Variants in DNAH5 observed in about 807,000 individuals in gnomAD.
DNAH5 encodes axonemal beta dynein heavy chain 5.
In DNAH5, 372 loss-of-function variants were observed where a neutral mutation model predicts 518.2. The ratio of observed to expected loss-of-function variants is 0.72; its 90% confidence interval spans 0.66 to 0.78. The LOEUF is 0.78. Among genes scored for constraint, DNAH5 ranks in the 30% least tolerant of loss-of-function variants. The pLI is 0.00. For synonymous variants in DNAH5, 2,039 were observed against 2,025.9 expected (o/e 1.01, Z -0.17); for missense variants, 5,523 against 5,687.0 (o/e 0.97, Z 0.93).
Position 13,855,499 on chromosome 5 carries a change from C to T in DNAH5, c.4950+3953G>A, listed in dbSNP as rs552907934. On this transcript the variant is annotated intron_variant, in intron 30 of 78. Transcript: ENST00000265104. The stretch of plus-strand genomic sequence containing the variant: ...CTGGGATTACAGGCGTGAGCCACCG[C>T]GCCCGGCCATAAATCTTACATTTTA... Among the ~76,000 whole-genome samples the T allele has an allele frequency of 4.1e-4, 20 of 48,280 alleles. 4 individuals are homozygous for T. Among genetic ancestry groups the T allele is most frequent in the Admixed American group, 1.2e-3 (7 of 5,854 alleles). The allele number at this position is 48,280 out of a possible 152,430, so 31.7% of individuals were successfully genotyped here.
At position 13,839,378 on chromosome 5, in the gene DNAH5, C is replaced by A; in HGVS notation, c.5860G>T (p.Val1954Leu). The A allele has an allele frequency of 6.2e-7, 1 of 1,614,066 alleles. No individual in the cohort carries two copies. The highest frequency in any genetic ancestry group is 8.5e-7 in the Non-Finnish European group (1 of 1,179,952). ...NEFLGCTDRL[V>L]ITPLTDRCYI... ...CACCTGTCTGTAAGTGGAGTTATTACAAGCCTGTCAGTGCAGCCTAAAAAT... is the reference window on the plus strand; with the variant it reads ...CACCTGTCTGTAAGTGGAGTTATTAAAAGCCTGTCAGTGCAGCCTAAAAAT... The change falls in exon 35 of 79, where the codon GTA becomes TTA. Residue 1954 changes from valine (V) to leucine (L), a missense_variant. Physicochemically the swap from Val to Leu is conservative, Grantham distance 32 (BLOSUM62 1). This residue lies in a region of DNAH5 where 5,121 missense variants were observed against 5,223.3 expected (regional missense o/e 0.98). Coordinates refer to ENST00000265104, the MANE Select transcript of DNAH5 (RefSeq NM_001369.3).
chr5:13,701,549 G>GA, intron 76 of DNAH5, 113 bp from the exon 77 acceptor site: 1 of 1,055,090 alleles, frequency 9.5e-7, no homozygotes, highest in Non-Finnish European at 1.4e-6. Flanking sequence ...CTTTTATAAT[G>GA]AAAAAAGTCC....
At chr5:13,767,269 C>G (rs1463589710) in intron 58 of DNAH5, among the ~76,000 whole-genome samples, 1 of 152,160 alleles carries the variant, frequency 6.6e-6, no homozygotes, top group Admixed American at 6.5e-5. Context: ...GGACTACAGG[C>G]ACACACCACC....
intron 72 of DNAH5, 119 bp from the exon 73 acceptor site, chr5:13,717,639 T>A (rs1022306164): frequency 3.4e-6 from 3 of 878,752 alleles, no homozygotes; most frequent in Non-Finnish European, 5.5e-6. Context: ...CTTTGGATTG[T>A]TTTTATGACA....
chr5:13,962,446 G>A (rs1781248090), intron 1 of DNAH5, among the ~76,000 whole-genome samples: 1 of 152,002 alleles, frequency 6.6e-6, no homozygotes, highest in African/African-American at 2.4e-5. Flanking sequence ...AGGTTCTTTT[G>A]GATTGCCAGG....
intron 7 of DNAH5, 131 bp from the exon 8 acceptor site, chr5:13,917,387 G>A: frequency 1.4e-6 from 1 of 718,174 alleles, no homozygotes; most frequent in Admixed American, 2.1e-5. Context: ...ACTGAATCCA[G>A]AGGGGCGAGA....
At chr5:13,940,422 T>TAA (rs1580986370) in intron 1 of DNAH5, among the ~76,000 whole-genome samples, 1 of 152,144 alleles carries the variant, frequency 6.6e-6, no homozygotes, top group Admixed American at 6.5e-5. Context: ...TATATATATA[T>TAA]AATATGTCAC....
chr5:13,845,832 CTTTTT>C (rs557275110), intron 31 of DNAH5, among the ~76,000 whole-genome samples: 1 of 110,666 alleles, frequency 9.0e-6, no homozygotes, highest in Admixed American at 1.0e-4. Context: ...CTTTTTTGAC[CTTTTT>C]TTTTTTTTTT....
At chr5:13,998,175 C>T (rs1330051083) in intron 1 of DNAH5, among the ~76,000 whole-genome samples, 1 of 152,136 alleles carries the variant, frequency 6.6e-6, no homozygotes, top group African/African-American at 2.4e-5. Context: ...CTGTAAAGTC[C>T]AAGATCAAGA....
At position 13,716,532 on chromosome 5, in the gene DNAH5, A is replaced by G; in HGVS notation, c.12864T>C (p.Asn4288=). The change falls in exon 74 of 79, where the codon AAT becomes AAC. Residue 4288 remains asparagine (N), a synonymous_variant. Coordinates refer to ENST00000265104, the MANE Select transcript of DNAH5 (RefSeq NM_001369.3). ...GPDFSFYQGY[N]IPKCSTVDNY... is the part of the protein sequence containing the mutation. ...TATCCACTGTGCTGCATTTTGGAAT[A>G]TTGTATCCTTGGTAAAAACTGAAAT... 2 of 1,613,988 alleles carry G rather than the reference A, an allele frequency of 1.2e-6. No homozygotes were observed. The highest frequency in any genetic ancestry group is 1.7e-6 in the Non-Finnish European group (2 of 1,179,884).
intron 1 of DNAH5, among the ~76,000 whole-genome samples, chr5:13,998,539 T>C (rs1197695901): frequency 2.0e-5 from 3 of 152,366 alleles, no homozygotes; most frequent in Non-Finnish European, 2.9e-5. Context: ...CAAGCTTCAA[T>C]AGCTCCAGTG....
chr5:14,011,590 T>C (rs57281948), intron 1 of DNAH5, among the ~76,000 whole-genome samples: 1,804 of 152,168 alleles, frequency 0.012, 34 homozygotes, highest in African/African-American at 0.041. Context: ...CGGCCGCGCA[T>C]GCGCCGCGGC....
intron 43 of DNAH5, among the ~76,000 whole-genome samples, 165 bp downstream of exon 43, chr5:13,814,440 A>C (rs184286064): frequency 3.9e-4 from 60 of 152,356 alleles, no homozygotes; most frequent in Admixed American, 1.2e-3. Flanking sequence ...ATATGTTAGG[A>C]GCAATCAGGG....
At chr5:13,984,587 G>C (rs1157002940) in intron 1 of DNAH5, among the ~76,000 whole-genome samples, 2 of 152,174 alleles carry the variant, frequency 1.3e-5, no homozygotes, top group African/African-American at 2.4e-5. Context: ...TGGTGAGAGA[G>C]GGCATCCCTG....
chr5:13,810,218 A>G lies in DNAH5; in HGVS notation c.7450T>C (p.Phe2484Leu). The change falls in exon 45 of 79, where the codon TTC becomes CTC. Residue 2484 changes from phenylalanine to leucine, a missense_variant. By Grantham distance (22) the Phe-to-Leu change is conservative. Coordinates refer to ENST00000265104, the MANE Select transcript of DNAH5 (RefSeq NM_001369.3). Reference protein sequence around the residue: ...EVSQAHLGRLFVFALLWSAGA... With the variant: ...EVSQAHLGRLLVFALLWSAGA... ...GCGCTCCACAGCAGCGCGAACACGA[A>G]CAGCCGCCCCAGGTGAGCCTGGCTC... 1 of 1,550,552 alleles carries G rather than the reference A, an allele frequency of 6.4e-7. No individual in the cohort carries two copies. Among genetic ancestry groups the G allele is most frequent in the Non-Finnish European group, 8.7e-7 (1 of 1,146,902 alleles).
intron 1 of DNAH5, among the ~76,000 whole-genome samples, chr5:13,986,843 T>C (rs939540091): frequency 2.6e-5 from 4 of 152,240 alleles, no homozygotes; most frequent in Admixed American, 2.0e-4. Flanking sequence ...CGATATTTAC[T>C]TCGTTCCTCT....
At chr5:13,791,714 G>C (rs531803257) in intron 50 of DNAH5, among the ~76,000 whole-genome samples, 1 of 151,924 alleles carries the variant, frequency 6.6e-6, no homozygotes, top group Non-Finnish European at 1.5e-5. Flanking sequence ...TACTAGAACT[G>C]GGAAAATAAA....
intron 1 of DNAH5, among the ~76,000 whole-genome samples, chr5:13,954,154 T>A (rs1445169566): frequency 6.6e-6 from 1 of 152,214 alleles, no homozygotes; most frequent in Non-Finnish European, 1.5e-5. Flanking sequence ...AGAAAATACT[T>A]TAGTGTACTC....
Position 13,727,105 on chromosome 5 carries a change from T to G in DNAH5, c.12033+402A>C, listed in dbSNP as rs558897100. ...GCACACTGTCCTTCCCCCACTCTATTCACCCTAATGCCTTTATGTTCTTCC... is the reference window on the plus strand; with the variant it reads ...GCACACTGTCCTTCCCCCACTCTATGCACCCTAATGCCTTTATGTTCTTCC... On this transcript the variant is annotated intron_variant, in intron 70 of 78. Transcript: ENST00000265104. Among the ~76,000 whole-genome samples, 12 of 152,310 alleles carry G rather than the reference T, an allele frequency of 7.9e-5. No individual in the cohort carries two copies. In the South Asian group the frequency reaches 2.5e-3, roughly 32 times the overall value.
Sources: gnomAD v4.1 joint callset for allele counts (sites outside exome capture counted in the v4.1 genomes callset) on GRCh38, gnomAD v4.1.1 for gene constraint, gnomAD v4.1.1 regional missense constraint, MANE v1.5 for transcripts, NCBI Gene and HGNC (gene_info 2026-07-23, HGNC 2026-07-21) for gene names.